DCDC2C: variants seen among roughly 807,000 people sequenced by gnomAD.
The protein encoded by DCDC2C is doublecortin domain containing 2C, also known as doublecortin domain-containing protein 2C.
Under a neutral mutation model 45.0 loss-of-function variants are expected in DCDC2C, and 44 were observed. The observed-to-expected ratio is 0.98, with a 90% CI of 0.77 to 1.26. DCDC2C has a LOEUF of 1.26. Among genes scored for constraint, DCDC2C ranks in the 50% most tolerant of loss-of-function variants. The probability of loss-of-function intolerance (pLI) is 0.00; values close to 1 mark genes in which losing one functional copy is unlikely to be tolerated. For synonymous variants in DCDC2C, 187 were observed against 178.8 expected, an observed-to-expected ratio of 1.05 and a Z score of -0.37; for missense variants, 447 against 468.9, an observed-to-expected ratio of 0.95 and a Z score of 0.43.
chr2:3,743,092 A>C (rs1340041467), intron 4 of DCDC2C, among the ~76,000 whole-genome samples: 2 of 152,238 alleles, frequency 1.3e-5, no homozygotes, highest in African/African-American at 4.8e-5. Context: ...AAAAGAGAAC[A>C]GGGGCAGCTG....
rs1263174165 is a variant in DCDC2C, at chr2:3,761,702, A to T, written c.727-6052A>T. Among the ~76,000 whole-genome samples the T allele has an allele frequency of 1.3e-5, 2 of 152,200 alleles. No individual in the cohort carries two copies. Among genetic ancestry groups the T allele is most frequent in the Non-Finnish European group, 2.9e-5 (2 of 68,026 alleles). On this transcript the variant is annotated intron_variant, in intron 6 of 10. Coordinates refer to ENST00000399143, the MANE Select transcript of DCDC2C (RefSeq NM_001287444.2). This position sits in a 1 kb window ranked among gnomAD's most constrained non-coding sequence, Gnocchi z 4.3. ...CTTGGGATGGAAATGGGACATTCGC[A>T]TGGGAACTTTTTGCTGTCAGCATTT...
chr2:3,831,735 A>G lies in DCDC2C; in HGVS notation c.1066-15419A>G, dbSNP rs145311741. ...GTGTGGTGGAACGTGTAGAAGTCAG[A>G]GTCCTCGGATCAAACACCAGCCCTT... On this transcript the variant is annotated intron_variant, in intron 10 of 10. Transcript: ENST00000399143. 6.6e-3 allele frequency among the ~76,000 whole-genome samples: 1,003 copies of G among 152,288 alleles called. 8 individuals are homozygous for G. The highest frequency in any genetic ancestry group is 0.011 in the South Asian group (53 of 4,830).
chr2:3,724,508 G>A (rs1161752677), intron 2 of DCDC2C, among the ~76,000 whole-genome samples: 2 of 152,192 alleles, frequency 1.3e-5, no homozygotes, highest in Non-Finnish European at 2.9e-5. Context: ...CTGTTAATGA[G>A]GTATGCAGCT....
At chr2:3,825,727 G>A (rs138068688) in intron 10 of DCDC2C, among the ~76,000 whole-genome samples, 1,698 of 152,202 alleles carry the variant, frequency 0.011, 41 homozygotes, top group African/African-American at 0.038. Flanking sequence ...TGGGGATCCT[G>A]GGGGCTTCAT....
rs192199207 is a variant in DCDC2C at position 3,751,905 on chromosome 2, C to T, written c.546-858C>T. On this transcript the variant is annotated intron_variant, in intron 4 of 10. Coordinates refer to ENST00000399143, the MANE Select transcript of DCDC2C (RefSeq NM_001287444.2). The stretch of plus-strand genomic sequence containing the variant: ...GAAATTAATGATAAATGCTCCTCCC[C>T]GGAATTCAAGGCCCTTTGGAAACTG... 1.2e-3 allele frequency among the ~76,000 whole-genome samples: 177 copies of T among 152,310 alleles called. 1 individual carries two copies. Among genetic ancestry groups the T allele is most frequent in the Middle Eastern group, 6.8e-3 (2 of 294 alleles).
At chr2:3,721,852 G>T (rs544718003) in intron 2 of DCDC2C, among the ~76,000 whole-genome samples, 25 of 152,330 alleles carry the variant, frequency 1.6e-4, no homozygotes, top group African/African-American at 5.5e-4. Flanking sequence ...CGCCATCTAT[G>T]TAAGATGTGA....
At chr2:3,812,384 G>T (rs6709807) in intron 10 of DCDC2C, among the ~76,000 whole-genome samples, 92,554 of 151,882 alleles carry the variant, frequency 0.61, 28,984 homozygotes, top group African/African-American at 0.75. Context: ...GTGTTTATAG[G>T]ATTCTCTGAT....
intron 7 of DCDC2C, 51 bp downstream of exon 7, chr2:3,767,931 G>T: frequency 7.3e-7 from 1 of 1,371,872 alleles, no homozygotes; most frequent in South Asian, 1.8e-5. Flanking sequence ...TTACCAGGCT[G>T]AGAACATGGG....
intron 10 of DCDC2C, among the ~76,000 whole-genome samples, chr2:3,835,536 C>T (rs1275718039): frequency 2.0e-5 from 3 of 152,120 alleles, no homozygotes; most frequent in Non-Finnish European, 4.4e-5. Context: ...CTCTAGTTCC[C>T]TGCGGCATTT....
rs144428400 is a variant in DCDC2C, at chr2:3,826,012, C to T, written c.1066-21142C>T. ...GTTTCTGTTTCAGGAAAACAATTCA[C>T]GAGGGTCTTTTAAGAAAAAGTTGCC... On this transcript the variant is annotated intron_variant, in intron 10 of 10. Coordinates refer to ENST00000399143, the MANE Select transcript of DCDC2C (RefSeq NM_001287444.2). 8.6e-4 allele frequency among the ~76,000 whole-genome samples: 131 copies of T among 152,148 alleles called. 1 individual carries two copies. Among genetic ancestry groups the T allele is most frequent in the East Asian group, 8.5e-3 (44 of 5,184 alleles).
intron 10 of DCDC2C, among the ~76,000 whole-genome samples, chr2:3,840,080 A>C (rs1293751364): frequency 6.6e-6 from 1 of 152,206 alleles, no homozygotes; most frequent in Non-Finnish European, 1.5e-5. Flanking sequence ...TTTATATTAT[A>C]TTCGTGTGGA....
In DCDC2C at chr2:3,726,904, CCTTT is replaced by C. The variant is rs1572563654; in HGVS notation, c.340-95_340-92del. On this transcript the variant is annotated intron_variant, in intron 2 of 10. Transcript: ENST00000399143. ...GTTCTATTGACAAAGGGGTTCCCCC[CCTTT>C]CTTATGTTTTAGGGCAGTGCTGTGC... 3.7e-6 allele frequency: 4 copies of C among 1,087,894 alleles called. No individual in the cohort carries two copies. In the East Asian group the frequency reaches 7.9e-5, roughly 21 times the overall value. The allele number at this position is 1,087,894 out of a possible 1,614,324, so 67.4% of individuals were successfully genotyped here.
At position 3,769,165 on chromosome 2, in the gene DCDC2C, G is replaced by A. The variant is rs142499450; in HGVS notation, c.854-146G>A. Reference sequence around the variant, plus strand: ...GGGCGAGAGGGAAACGGGGTGAGGCGGACGGGGTTTGGGACTGCAGACCAG... The same window carrying A: ...GGGCGAGAGGGAAACGGGGTGAGGCAGACGGGGTTTGGGACTGCAGACCAG... On this transcript the variant is annotated intron_variant, in intron 7 of 10. Coordinates refer to ENST00000399143, the MANE Select transcript of DCDC2C (RefSeq NM_001287444.2). The A allele has an allele frequency of 2.9e-4, 189 of 659,864 alleles. No individual in the cohort carries two copies. The African/African-American group carries it at 3.0e-3, about 11-fold the overall frequency. The allele number at this position is 659,864 out of a possible 1,614,324, so 40.9% of individuals were successfully genotyped here.
intron 6 of DCDC2C, among the ~76,000 whole-genome samples, chr2:3,757,341 C>T (rs1272820568): frequency 6.6e-6 from 1 of 152,058 alleles, no homozygotes; most frequent in African/African-American, 2.4e-5. Flanking sequence ...AAGATATTGC[C>T]TTGTGGAATG....
intron 1 of DCDC2C, 136 bp downstream of exon 1, chr2:3,704,174 T>G: frequency 1.2e-6 from 1 of 867,314 alleles, no homozygotes; most frequent in Non-Finnish European, 1.5e-6. Flanking sequence ...TCGGCGTGGA[T>G]CCAGCGCAGC....
At chr2:3,709,932 C>T (rs1044483915) in intron 2 of DCDC2C, among the ~76,000 whole-genome samples, 1 of 152,146 alleles carries the variant, frequency 6.6e-6, no homozygotes, top group African/African-American at 2.4e-5. Flanking sequence ...ACTGAGCAGG[C>T]ACACCAGGAT....
At chr2:3,741,500 CGTCT>C (rs939611104) in intron 3 of DCDC2C, among the ~76,000 whole-genome samples, 54 of 152,226 alleles carry the variant, frequency 3.5e-4, no homozygotes, top group African/African-American at 1.1e-3. Flanking sequence ...AGAGCCTGCC[CGTCT>C]GTATGCCTCC....
At chr2:3,739,698 T>A (rs778954913) in intron 3 of DCDC2C, among the ~76,000 whole-genome samples, 24 of 152,350 alleles carry the variant, frequency 1.6e-4, no homozygotes, top group Non-Finnish European at 2.5e-4. Context: ...AACCTTGCAC[T>A]CATTCTCCAA....
At chr2:3,755,132 G>C (rs1284746209) in intron 6 of DCDC2C, among the ~76,000 whole-genome samples, 1 of 151,776 alleles carries the variant, frequency 6.6e-6, no homozygotes, top group Non-Finnish European at 1.5e-5. Context: ...CATGTGTGTG[G>C]AGGCATGTGT....
Sources: allele counts gnomAD v4.1 joint callset (sites outside exome capture counted in the v4.1 genomes callset), GRCh38; gene constraint gnomAD v4.1.1; non-coding constraint Gnocchi (gnomAD v3.1); transcripts MANE v1.5; gene names NCBI Gene and HGNC (gene_info 2026-07-23, HGNC 2026-07-21).